Variants in RPA3 observed in about 807,000 individuals in gnomAD.
The protein encoded by RPA3 is replication protein A 14 kDa subunit.
A neutral mutation model predicts 13.7 loss-of-function variants in RPA3; 24 were observed. That is an observed-to-expected ratio of 1.75 (90% CI 1.27 to 2.46). The LOEUF (loss-of-function observed/expected upper bound fraction) is 2.46. RPA3 is among the 30% of genes most tolerant of loss of function. The probability of loss-of-function intolerance (pLI) is 0.00; values close to 1 mark genes in which losing one functional copy is unlikely to be tolerated. For synonymous variants in RPA3, 59 were observed against 51.2 expected (o/e 1.15, Z -0.65); for missense variants, 183 against 151.0 (o/e 1.21, Z -1.11).
chr7:7,701,149 T>G (rs1013880429), intron 2 of RPA3, among the ~76,000 whole-genome samples: 1 of 152,212 alleles, frequency 6.6e-6, no homozygotes, highest in Non-Finnish European at 1.5e-5. Context: ...AATAAACATG[T>G]TCTGTATTCT....
intron 2 of RPA3, among the ~76,000 whole-genome samples, chr7:7,704,758 C>G (rs986128006): frequency 3.6e-5 from 4 of 110,494 alleles, no homozygotes; most frequent in Non-Finnish European, 7.0e-5. Context: ...CAGAGCGAGA[C>G]TCCATCTCAA....
At chr7:7,644,445 C>T (rs1785050536) in intron 4 of RPA3, among the ~76,000 whole-genome samples, 1 of 151,476 alleles carries the variant, frequency 6.6e-6, no homozygotes, top group Non-Finnish European at 1.5e-5. Context: ...ATTAAAATCT[C>T]ATTTATGAAT....
At chr7:7,685,034 G>T (rs901762551) in intron 4 of RPA3, among the ~76,000 whole-genome samples, 4 of 152,074 alleles carry the variant, frequency 2.6e-5, no homozygotes, top group African/African-American at 9.7e-5. Flanking sequence ...AAATTATGAT[G>T]AGTGGCTTTC....
At chr7:7,643,857 A>T (rs1158270128) in intron 4 of RPA3, among the ~76,000 whole-genome samples, 1 of 152,140 alleles carries the variant, frequency 6.6e-6, no homozygotes, top group African/African-American at 2.4e-5. Flanking sequence ...TTTTAAAGTA[A>T]ACTTCCATTC....
chr7:7,675,692 G>A (rs1779721135), intron 4 of RPA3, among the ~76,000 whole-genome samples: 1 of 152,124 alleles, frequency 6.6e-6, no homozygotes, highest in Non-Finnish European at 1.5e-5. Context: ...GGACCATCTT[G>A]GACTAGCATA....
At chr7:7,701,449 C>T (rs556015185) in intron 2 of RPA3, among the ~76,000 whole-genome samples, 1 of 152,304 alleles carries the variant, frequency 6.6e-6, no homozygotes, top group Admixed American at 6.5e-5. Flanking sequence ...TGCTCAACTT[C>T]ATTTGCCATC....
At chr7:7,689,890 A>G (rs577348321) in intron 2 of RPA3, among the ~76,000 whole-genome samples, 1 of 152,210 alleles carries the variant, frequency 6.6e-6, no homozygotes, top group Non-Finnish European at 1.5e-5. Flanking sequence ...ATTAACAACC[A>G]TAGTAATTGG....
chr7:7,650,217 T>C (rs1303258076), intron 4 of RPA3, among the ~76,000 whole-genome samples: 1 of 152,230 alleles, frequency 6.6e-6, no homozygotes, highest in Non-Finnish European at 1.5e-5. Flanking sequence ...TTCTTGTAAC[T>C]CTGCCTAGAC....
At chr7:7,647,862 C>G (rs1785132751) in intron 4 of RPA3, among the ~76,000 whole-genome samples, 1 of 152,214 alleles carries the variant, frequency 6.6e-6, no homozygotes, top group Non-Finnish European at 1.5e-5. Context: ...TCCTTGGCCT[C>G]TCAGAGTGCT....
intron 2 of RPA3, among the ~76,000 whole-genome samples, chr7:7,701,565 C>T (rs1170390322): frequency 1.3e-5 from 2 of 152,056 alleles, no homozygotes; most frequent in African/African-American, 4.8e-5. Context: ...CTGAACCTTC[C>T]CCTCTATTTA....
chr7:7,697,632 T>C (rs1034483216), intron 2 of RPA3, among the ~76,000 whole-genome samples: 7 of 152,230 alleles, frequency 4.6e-5, no homozygotes, highest in African/African-American at 1.7e-4. Flanking sequence ...TTTTTATTTT[T>C]TTAAGCTGAT....
In RPA3 at chr7:7,640,643, CG is replaced by C; in HGVS notation, c.-226del. On this transcript the variant is annotated 5_prime_UTR_variant, in exon 5 of 8. Coordinates refer to ENST00000223129, the MANE Select transcript of RPA3 (RefSeq NM_002947.5). ...AGTGGAGATTGGCTGCTTAGTGACGCGCGGCGTCCCGGAAGTTGACAGATAC... is the reference window on the plus strand; with the variant it reads ...AGTGGAGATTGGCTGCTTAGTGACGCCGGCGTCCCGGAAGTTGACAGATAC... The C allele has an allele frequency of 1.9e-6, 1 of 540,200 alleles. No homozygotes were observed. The highest frequency in any genetic ancestry group is 3.3e-6 in the Non-Finnish European group (1 of 302,676). 33.5% of individuals were successfully genotyped at this position (540,200 alleles called of 1,614,324 possible). A position where few individuals can be genotyped will look rare whatever the true frequency, so the allele number is the denominator to read the frequency against.
intron 4 of RPA3, among the ~76,000 whole-genome samples, chr7:7,675,812 G>T (rs1486474454): frequency 6.6e-6 from 1 of 152,170 alleles, no homozygotes; most frequent in Non-Finnish European, 1.5e-5. Flanking sequence ...AGCTGGTGCT[G>T]TACCTGGTTC....
chr7:7,690,501 T>C (rs540972884), intron 2 of RPA3, among the ~76,000 whole-genome samples: 1 of 152,272 alleles, frequency 6.6e-6, no homozygotes, highest in South Asian at 2.1e-4. Flanking sequence ...TTTTTAAATG[T>C]TTACTTTTTT....
chr7:7,703,328 A>G lies in RPA3; in HGVS notation c.-1028+11847T>C, dbSNP rs531811084. 2.4e-4 allele frequency among the ~76,000 whole-genome samples: 37 copies of G among 152,256 alleles called. 1 individual carries two copies. The South Asian group carries it at 6.6e-3, about 27-fold the overall frequency. On this transcript the variant is annotated intron_variant, in intron 2 of 7. Transcript: ENST00000223129. ...TCATTTAAGGTTGCAGTTTAAATTG[A>G]TCTTTTATCAAAATTTAGACTGAAG...
At chr7:7,675,857 G>A (rs1055694675) in intron 4 of RPA3, among the ~76,000 whole-genome samples, 1 of 152,186 alleles carries the variant, frequency 6.6e-6, no homozygotes, top group Non-Finnish European at 1.5e-5. Context: ...GCCAGATGTT[G>A]GCTGAGGCCT....
intron 2 of RPA3, among the ~76,000 whole-genome samples, chr7:7,714,251 A>G (rs996210185): frequency 6.6e-5 from 10 of 152,234 alleles, no homozygotes; most frequent in African/African-American, 2.4e-4. Context: ...ATTGACCAGC[A>G]TTTCCAACTT....
chr7:7,640,262 G>A (rs755466489), intron 5 of RPA3, 58 bp downstream of exon 5: 9 of 1,548,980 alleles, frequency 5.8e-6, no homozygotes, highest in Non-Finnish European at 7.1e-6. Flanking sequence ...CCGTTATCCA[G>A]GCGGGGTCCC....
chr7:7,654,288 A>G (rs12538804), intron 4 of RPA3, among the ~76,000 whole-genome samples: 45,339 of 152,032 alleles, frequency 0.3, 7,523 homozygotes, highest in African/African-American at 0.44. Context: ...GTTTTACCCA[A>G]GTGAGGCCAT....
Sources: gnomAD v4.1 joint callset for allele counts (sites outside exome capture counted in the v4.1 genomes callset) on GRCh38, gnomAD v4.1.1 for gene constraint, MANE v1.5 for transcripts, NCBI Gene and HGNC (gene_info 2026-07-23, HGNC 2026-07-21) for gene names.